Variants in COL4A2 observed in about 807,000 individuals in gnomAD.
COL4A2 encodes collagen alpha-2(IV) chain.
In COL4A2, 99 loss-of-function variants were observed where a neutral mutation model predicts 200.2. The ratio of observed to expected loss-of-function variants is 0.49; its 90% confidence interval spans 0.42 to 0.58. COL4A2 has a LOEUF of 0.58. Among genes scored for constraint, COL4A2 ranks in the 20% least tolerant of loss-of-function variants. The pLI, the probability that COL4A2 is intolerant of heterozygous loss-of-function variation, is 0.00. For synonymous variants in COL4A2, 897 were observed against 900.6 expected (o/e 1.00, Z 0.07); for missense variants, 1,950 against 2,314.1 (o/e 0.84, Z 3.23).
intron 4 of COL4A2, among the ~76,000 whole-genome samples, chr13:110,364,608 G>A (rs1343810285): frequency 3.3e-5 from 5 of 152,176 alleles, no homozygotes; most frequent in African/African-American, 1.2e-4. Context: ...GAAGCTCCAA[G>A]TTTCAGAAAA....
intron 4 of COL4A2, among the ~76,000 whole-genome samples, chr13:110,365,180 T>C (rs1250122878): frequency 2.0e-5 from 3 of 152,190 alleles, no homozygotes; most frequent in African/African-American, 4.8e-5. Flanking sequence ...TCGCTCTTGT[T>C]GCCTGGGCTG....
chr13:110,445,632 T>C (rs966273345), intron 16 of COL4A2, among the ~76,000 whole-genome samples, 197 bp from the exon 17 acceptor site: 7 of 152,246 alleles, frequency 4.6e-5, no homozygotes, highest in African/African-American at 1.4e-4. Flanking sequence ...TTGGACTTTT[T>C]TGGCTCCTGG....
chr13:110,452,096 T>A (rs948439211), intron 20 of COL4A2, among the ~76,000 whole-genome samples: 22 of 151,642 alleles, frequency 1.5e-4, no homozygotes, highest in Non-Finnish European at 3.1e-4. Context: ...AGTGTTTGGT[T>A]TCAGTAACAG....
At chr13:110,499,979 T>C (rs906168791) in intron 40 of COL4A2, among the ~76,000 whole-genome samples, 4 of 152,226 alleles carry the variant, frequency 2.6e-5, no homozygotes, top group Non-Finnish European at 5.9e-5. Flanking sequence ...AGATGGTGGC[T>C]CACTCATGCC....
At chr13:110,313,535 C>T (rs1162720183) in intron 3 of COL4A2, among the ~76,000 whole-genome samples, 2 of 139,998 alleles carry the variant, frequency 1.4e-5, no homozygotes, top group East Asian at 4.1e-4. Context: ...GCTCCCACCC[C>T]GGTGCCCCGC....
intron 3 of COL4A2, chr13:110,328,450 G>A (rs1020483581): frequency 2.6e-5 from 4 of 152,238 alleles, no homozygotes; most frequent in Admixed American, 1.3e-4. Context: ...AGCAAATGCG[G>A]TGCAAGCTGA....
At chr13:110,433,180 G>A (rs1376781379) in intron 11 of COL4A2, among the ~76,000 whole-genome samples, 1 of 152,232 alleles carries the variant, frequency 6.6e-6, no homozygotes, top group Non-Finnish European at 1.5e-5. Context: ...CCAGGCTCCT[G>A]TCCCCTCTGA....
intron 3 of COL4A2, among the ~76,000 whole-genome samples, chr13:110,321,800 T>G (rs763580201): frequency 6.6e-6 from 1 of 152,242 alleles, no homozygotes; most frequent in East Asian, 1.9e-4. Flanking sequence ...AAAGAGAGAA[T>G]GTACCAGCAG....
At chr13:110,309,021 G>C (rs1054847135) in intron 3 of COL4A2, among the ~76,000 whole-genome samples, 2 of 152,198 alleles carry the variant, frequency 1.3e-5, no homozygotes, top group Non-Finnish European at 2.9e-5. Context: ...CGGGGCCCAG[G>C]TGGATTCCTC....
intron 4 of COL4A2, among the ~76,000 whole-genome samples, chr13:110,389,740 G>A (rs1878916097): frequency 6.6e-6 from 1 of 152,206 alleles, no homozygotes; most frequent in African/African-American, 2.4e-5. Flanking sequence ...CTGCTGTTCA[G>A]GGCCTCCTTG....
At chr13:110,504,484 CA>C (rs1347122581) in intron 45 of COL4A2, among the ~76,000 whole-genome samples, 5 of 152,216 alleles carry the variant, frequency 3.3e-5, no homozygotes, top group African/African-American at 1.2e-4. Context: ...TTTCCTGGGA[CA>C]CCTGCGGTGC....
chr13:110,324,667 T>A (rs1885359941), intron 3 of COL4A2, among the ~76,000 whole-genome samples: 1 of 152,222 alleles, frequency 6.6e-6, no homozygotes, highest in Non-Finnish European at 1.5e-5. Context: ...GTGGTGCTGC[T>A]GCCCAGGGTG....
intron 21 of COL4A2, 108 bp from the exon 22 acceptor site, chr13:110,458,663 A>G (rs1881877027): frequency 2.9e-6 from 4 of 1,367,172 alleles, no homozygotes; most frequent in African/African-American, 1.4e-5. Context: ...GGCAGTGTCC[A>G]TAAAGCACCA....
At chr13:110,451,697 G>A (rs2139483062) in intron 20 of COL4A2, among the ~76,000 whole-genome samples, 1 of 152,270 alleles carries the variant, frequency 6.6e-6, no homozygotes, top group South Asian at 2.1e-4. Flanking sequence ...ATGACATCTG[G>A]GGATTATGGG....
chr13:110,460,825 A>G (rs7139426), intron 22 of COL4A2, among the ~76,000 whole-genome samples: 87,383 of 151,722 alleles, frequency 0.58, 25,975 homozygotes, highest in Middle Eastern at 0.73. Flanking sequence ...CTCCATCCAT[A>G]TACCCAACGT....
chr13:110,449,784 A>G lies in COL4A2; in HGVS notation c.1184A>G (p.Asp395Gly), dbSNP rs1312167981. The G allele has an allele frequency of 6.5e-7, 1 of 1,547,142 alleles. No homozygotes were observed. The highest frequency in any genetic ancestry group is 2.4e-5 in the East Asian group (1 of 40,870). ...GGTCCCCCTGGCCTCTCCATCGGAG[A>G]TGGAGGTAATGTGGCTTCATAATAT... is the stretch of plus-strand genomic sequence containing the variant. ...LPGPPGLSIG[D>G]GDQRRGLPGE... The change falls in exon 19 of 48, where the codon GAT becomes GGT. Residue 395 changes from aspartate to glycine, a missense_variant. Physicochemically the swap from Asp to Gly is moderately conservative, Grantham distance 94. Around this residue, in one of 2 missense-constraint regions of COL4A2, gnomAD observed 565 missense variants for 593.5 expected, o/e 0.95. Transcript: ENST00000360467.
chr13:110,466,108 A>C, intron 26 of COL4A2, 46 bp downstream of exon 26: 24 of 1,587,738 alleles, frequency 1.5e-5, no homozygotes, highest in Non-Finnish European at 1.9e-5. Context: ...GAGAACTCTC[A>C]TTTGGTCTGC....
chr13:110,430,917 C>G (rs1185237700), intron 10 of COL4A2: 1 of 569,252 alleles, frequency 1.8e-6, no homozygotes, highest in East Asian at 4.1e-5. Context: ...CCCATCATCC[C>G]TGGGCAAGGC....
At position 110,358,660 on chromosome 13, in the gene COL4A2, C is replaced by T. The variant is rs59891894; in HGVS notation, c.180+1108C>T. 4.4e-4 allele frequency among the ~76,000 whole-genome samples: 67 copies of T among 152,294 alleles called. 2 individuals carry two copies. In the East Asian group the frequency reaches 0.013, roughly 29 times the overall value. ...GGGCAGATCCGGTGTCATCTTAGGGCACCACTATCTTCAGTGCAGTCTGTT... is the reference window on the plus strand; with the variant it reads ...GGGCAGATCCGGTGTCATCTTAGGGTACCACTATCTTCAGTGCAGTCTGTT... On this transcript the variant is annotated intron_variant, in intron 4 of 47. Transcript: ENST00000360467.
Sources: allele counts gnomAD v4.1 joint callset (sites outside exome capture counted in the v4.1 genomes callset), GRCh38; gene constraint gnomAD v4.1.1; regional missense constraint gnomAD v4.1.1; transcripts MANE v1.5; gene names NCBI Gene and HGNC (gene_info 2026-07-23, HGNC 2026-07-21).